Variants in PTPRN observed in about 807,000 individuals in gnomAD.
PTPRN encodes the protein receptor-type tyrosine-protein phosphatase-like N.
PTPRN carries 70 observed loss-of-function variants against 108.5 expected under a neutral mutation model. The ratio of observed to expected loss-of-function variants is 0.65; its 90% confidence interval spans 0.53 to 0.79. The LOEUF (loss-of-function observed/expected upper bound fraction) is 0.79, where lower values mean the gene tolerates loss of function less well. PTPRN is among the 30% of genes least tolerant of loss of function. PTPRN has a pLI of 0.00. For missense variants in PTPRN, 1,136 were observed against 1,295.5 expected (o/e 0.88, Z 1.89); for synonymous variants, 496 against 524.6 (o/e 0.95, Z 0.75).
At chr2:219,291,784 A>G in intron 19 of PTPRN, 1 of 553,388 alleles carries the variant, frequency 1.8e-6, no homozygotes, top group Non-Finnish European at 3.2e-6. Flanking sequence ...TTTGAGCCTC[A>G]GTTTTCTTAC....
intron 6 of PTPRN, 55 bp from the exon 7 acceptor site, chr2:219,301,774 T>C: frequency 6.4e-7 from 1 of 1,560,586 alleles, no homozygotes; most frequent in South Asian, 1.1e-5. Flanking sequence ...ACTTGAGGGA[T>C]GCAGATGAGT....
At chr2:219,304,047 T>G in intron 3 of PTPRN, 1 of 409,058 alleles carries the variant, frequency 2.4e-6, no homozygotes, top group Non-Finnish European at 4.4e-6. Flanking sequence ...CCTTTGCTAC[T>G]GATGAATTAT....
intron 12 of PTPRN, among the ~76,000 whole-genome samples, chr2:219,298,361 T>C (rs546974613): frequency 6.6e-6 from 1 of 152,068 alleles, no homozygotes; most frequent in African/African-American, 2.4e-5. Context: ...ACCCTAGGAA[T>C]TGAATTGTAG....
chr2:219,307,043 C>T (rs67143479), intron 3 of PTPRN: 12,941 of 159,484 alleles, frequency 0.081, 620 homozygotes, highest in Middle Eastern at 0.13. Flanking sequence ...GTTTTATTCC[C>T]GATACATTCC....
rs1952374152 is a variant in PTPRN at position 219,302,383 on chromosome 2, T to C, written c.748A>G (p.Lys250Glu). The change falls in exon 6 of 23, where the codon AAG becomes GAG. Residue 250 changes from lysine (K) to glutamate (E), a missense_variant. Transcript: ENST00000295718. Reference sequence around the variant, plus strand: ...CCAGGGTGGTCCCCAAATATGCCCTTGGAGGCAGTTCTGCTGAAGAGGGCA... The same window carrying C: ...CCAGGGTGGTCCCCAAATATGCCCTCGGAGGCAGTTCTGCTGAAGAGGGCA... ...APALFSRTAS[K>E]GIFGDHPGHS... The C allele has an allele frequency of 6.2e-7, 1 of 1,613,884 alleles. No homozygotes were observed. Among genetic ancestry groups the C allele is most frequent in the African/African-American group, 1.3e-5 (1 of 74,916 alleles).
At position 219,293,916 on chromosome 2, in the gene PTPRN, C is replaced by G. The variant is rs190595141; in HGVS notation, c.2675+1059G>C. 3.3e-5 allele frequency among the ~76,000 whole-genome samples: 5 copies of G among 152,318 alleles called. No homozygotes were observed. In the East Asian group the frequency reaches 7.7e-4, roughly 24 times the overall value. ...AAAGCAGGGGACGCTGGAGGGCTGACCTGTCTTGGTGTCAGTGTTGGAAAA... is the reference window on the plus strand; with the variant it reads ...AAAGCAGGGGACGCTGGAGGGCTGAGCTGTCTTGGTGTCAGTGTTGGAAAA... On this transcript the variant is annotated intron_variant, in intron 19 of 22. Coordinates refer to ENST00000295718, the MANE Select transcript of PTPRN (RefSeq NM_002846.4).
intron 10 of PTPRN, 144 bp downstream of exon 10, chr2:219,299,556 G>C: frequency 8.8e-7 from 1 of 1,141,788 alleles, no homozygotes; most frequent in South Asian, 1.4e-5. Context: ...AACGGGCTGG[G>C]TGTGGCTGTA....
intron 3 of PTPRN, among the ~76,000 whole-genome samples, chr2:219,306,454 T>G (rs756517335): frequency 6.6e-6 from 1 of 152,232 alleles, no homozygotes. Flanking sequence ...TGGTTTTTAG[T>G]GGTCCCCCTC....
At position 219,295,105 on chromosome 2, in the gene PTPRN, A is replaced by G; in HGVS notation, c.2545T>C (p.Phe849Leu). 1 of 1,613,048 alleles carries G rather than the reference A, an allele frequency of 6.2e-7. No homozygotes were observed. Among genetic ancestry groups the G allele is most frequent in the African/African-American group, 1.3e-5 (1 of 74,950 alleles). ...LVSEHIWCEDFLVRSFYLKNV... is the reference protein window; with the variant it reads ...LVSEHIWCEDLLVRSFYLKNV... Reference sequence around the variant, plus strand: ...TTCAGGTAGAAGCTCCGCACCAGAAAGTCCTCGCACCAGATGTGCTCCGAC... The same window carrying G: ...TTCAGGTAGAAGCTCCGCACCAGAAGGTCCTCGCACCAGATGTGCTCCGAC... Residue 849 changes from phenylalanine to leucine, a missense_variant, in exon 19 of 23, where the codon TTT becomes CTT. Transcript: ENST00000295718.
Position 219,296,097 on chromosome 2 carries a change from A to G in PTPRN, c.2508+129T>C, listed in dbSNP as rs899442322. On this transcript the variant is annotated intron_variant, in intron 18 of 22. Transcript: ENST00000295718. This position sits in a 1 kb window ranked among gnomAD's most constrained non-coding sequence, Gnocchi z 6.0. ...ATATATATTCATATATGTATGAATCATGAGCAGGGCCAATAAAAGCCTTTT... is the reference window on the plus strand; with the variant it reads ...ATATATATTCATATATGTATGAATCGTGAGCAGGGCCAATAAAAGCCTTTT... The G allele has an allele frequency of 1.7e-5, 22 of 1,315,538 alleles. No individual in the cohort carries two copies. The highest frequency in any genetic ancestry group is 2.2e-5 in the Non-Finnish European group (21 of 938,164). 81.5% of individuals were successfully genotyped at this position (1,315,538 alleles called of 1,614,324 possible). A position where few individuals can be genotyped will look rare whatever the true frequency, so the allele number is the denominator to read the frequency against.
intron 3 of PTPRN, among the ~76,000 whole-genome samples, chr2:219,305,744 T>C (rs555430600): frequency 1.3e-5 from 2 of 152,296 alleles, no homozygotes; most frequent in South Asian, 4.1e-4. Context: ...TGAGTAGACA[T>C]CTTAAACTCA....
Position 219,290,763 on chromosome 2 carries a change from TG to T in PTPRN, c.2794+62del. On this transcript the variant is annotated intron_variant, in intron 21 of 22. Coordinates refer to ENST00000295718, the MANE Select transcript of PTPRN (RefSeq NM_002846.4). This position sits in a 1 kb window ranked among gnomAD's most constrained non-coding sequence, Gnocchi z 4.2. Reference sequence around the variant, plus strand: ...TGCTCCTTCTGAGCTCCCAGGACCCTGTGTGCTGGGGAGCCTCTAAAAAGGG... The same window carrying T: ...TGCTCCTTCTGAGCTCCCAGGACCCTTGTGCTGGGGAGCCTCTAAAAAGGG... 6.4e-7 allele frequency: 1 copy of T among 1,551,040 alleles called. No individual in the cohort carries two copies. The highest frequency in any genetic ancestry group is 8.9e-7 in the Non-Finnish European group (1 of 1,123,038).
chr2:219,301,522 G>A (rs200338680), intron 7 of PTPRN, 66 bp downstream of exon 7: 238 of 1,549,994 alleles, frequency 1.5e-4, no homozygotes, highest in Non-Finnish European at 1.9e-4. Context: ...AAGTGGTCTC[G>A]AGGCAGGGCA....
At chr2:219,301,859 T>G in intron 6 of PTPRN, 140 bp from the exon 7 acceptor site, 1 of 1,163,146 alleles carries the variant, frequency 8.6e-7, no homozygotes, top group Non-Finnish European at 1.2e-6. Context: ...TGCCCTCCCT[T>G]TCCCAGCCCT....
At chr2:219,294,649 G>A (rs1952135922) in intron 19 of PTPRN, among the ~76,000 whole-genome samples, 1 of 151,974 alleles carries the variant, frequency 6.6e-6, no homozygotes, top group South Asian at 2.1e-4. Flanking sequence ...AGGGGTCCTG[G>A]AGAGGGAGGG....
intron 8 of PTPRN, among the ~76,000 whole-genome samples, chr2:219,300,668 G>T (rs1236088882): frequency 6.6e-6 from 1 of 152,184 alleles, no homozygotes; most frequent in Non-Finnish European, 1.5e-5. Context: ...CTCTCTGCTC[G>T]AAACTTCCCT....
rs575207505 is a variant in PTPRN, at chr2:219,298,981, C to T, written c.1668+66G>A. The T allele has an allele frequency of 1.2e-4, 185 of 1,584,922 alleles. No homozygotes were observed. In the East Asian group the frequency reaches 3.5e-3, roughly 30 times the overall value. ...GGCTCCAGTTCTCCCCTCTGGTTTG[C>T]CTCCAGCTCTTGCGGACAACATCAG... On this transcript the variant is annotated intron_variant, in intron 12 of 22. Coordinates refer to ENST00000295718, the MANE Select transcript of PTPRN (RefSeq NM_002846.4).
At position 219,290,520 on chromosome 2, in the gene PTPRN, G is replaced by A. The variant is rs1280031632; in HGVS notation, c.2868+18C>T. The A allele has an allele frequency of 1.9e-6, 3 of 1,549,550 alleles. No homozygotes were observed. The highest frequency in any genetic ancestry group is 8.7e-7 in the Non-Finnish European group (1 of 1,145,348). On this transcript the variant is annotated intron_variant, in intron 22 of 22. Coordinates refer to ENST00000295718, the MANE Select transcript of PTPRN (RefSeq NM_002846.4). This position sits in a 1 kb window ranked among gnomAD's most constrained non-coding sequence, Gnocchi z 4.2. Reference sequence around the variant, plus strand: ...GGGAAGGGTGGGAGCTGGGGTTGGGGCAGGAAGGCATGGTCACCTTAGAGC... The same window carrying A: ...GGGAAGGGTGGGAGCTGGGGTTGGGACAGGAAGGCATGGTCACCTTAGAGC...
intron 11 of PTPRN, 92 bp from the exon 12 acceptor site, chr2:219,299,203 G>A (rs1952278721): frequency 1.2e-5 from 19 of 1,601,250 alleles, no homozygotes; most frequent in Non-Finnish European, 1.5e-5. Flanking sequence ...GGCCCATGTG[G>A]GCTGGGAACA....
Sources: gnomAD v4.1 joint callset for allele counts (sites outside exome capture counted in the v4.1 genomes callset) on GRCh38, gnomAD v4.1.1 for gene constraint, Gnocchi (gnomAD v3.1) non-coding constraint, MANE v1.5 for transcripts, NCBI Gene and HGNC (gene_info 2026-07-23, HGNC 2026-07-21) for gene names.